The following ST18 variants were observed in gnomAD, a reference collection of about 807,000 sequenced individuals.
ST18 encodes the protein ST18 C2H2C-type zinc finger transcription factor.
A neutral mutation model predicts 110.0 loss-of-function variants in ST18; 50 were observed. The observed-to-expected ratio is 0.45, with a 90% CI of 0.36 to 0.58. The LOEUF is 0.58. Among genes scored for constraint, ST18 ranks in the 20% least tolerant of loss-of-function variants. ST18 has a pLI of 0.00. For missense variants in ST18, 1,306 were observed against 1,280.1 expected (o/e 1.02, Z -0.31); for synonymous variants, 461 against 452.4 (o/e 1.02, Z -0.24).
chr8:52,210,325 G>A (rs190442449), intron 8 of ST18, among the ~76,000 whole-genome samples: 9 of 152,154 alleles, frequency 5.9e-5, no homozygotes, highest in Admixed American at 5.2e-4. Context: ...CCAAATGTAG[G>A]GGTATACTAT....
At chr8:52,193,314 C>T (rs903413943) in intron 8 of ST18, among the ~76,000 whole-genome samples, 15 of 152,208 alleles carry the variant, frequency 9.9e-5, no homozygotes, top group Admixed American at 3.3e-4. Context: ...CACATCTTCC[C>T]TACTGGCTGA....
chr8:52,306,159 C>T (rs2095809506), intron 2 of ST18, among the ~76,000 whole-genome samples: 1 of 152,232 alleles, frequency 6.6e-6, no homozygotes, highest in Non-Finnish European at 1.5e-5. Context: ...CATTCCCTCA[C>T]CTCCTTCAAA....
At chr8:52,386,495 A>G (rs558903654) in intron 2 of ST18, among the ~76,000 whole-genome samples, 1 of 152,052 alleles carries the variant, frequency 6.6e-6, no homozygotes, top group African/African-American at 2.4e-5. Context: ...AATGCAATCA[A>G]TTGAGAAAAA....
intron 2 of ST18, among the ~76,000 whole-genome samples, chr8:52,304,860 G>A (rs897931863): frequency 3.3e-5 from 5 of 152,156 alleles, no homozygotes; most frequent in Non-Finnish European, 7.3e-5. Context: ...AGCTCTCTGG[G>A]TCTCTCTTAC....
At chr8:52,321,649 A>G (rs1803969695) in intron 2 of ST18, among the ~76,000 whole-genome samples, 1 of 152,240 alleles carries the variant, frequency 6.6e-6, no homozygotes, top group Admixed American at 6.5e-5. Context: ...CTAGTATCAC[A>G]GAGTGATGCT....
rs1482709822 is a variant in ST18, at chr8:52,171,937, C to T, written c.924G>A (p.Gln308=). Reference sequence around the variant, plus strand: ...CTCGCTCAGCCTGCAGAGCAATTGCCTGCTCCAGCAAACTTAAATTCCCCT... The same window carrying T: ...CTCGCTCAGCCTGCAGAGCAATTGCTTGCTCCAGCAAACTTAAATTCCCCT... ...KAKGNLSLLE[Q]AIALQAERGC... is the part of the protein sequence containing the mutation. Residue 308 remains glutamine (Q), a synonymous_variant, in exon 10 of 26, where the codon CAG becomes CAA. Coordinates refer to ENST00000689386, the MANE Select transcript of ST18 (RefSeq NM_001352837.2). The T allele has an allele frequency of 1.2e-6, 2 of 1,614,216 alleles. No homozygotes were observed. Among genetic ancestry groups the T allele is most frequent in the Admixed American group, 1.7e-5 (1 of 60,032 alleles).
intron 2 of ST18, among the ~76,000 whole-genome samples, chr8:52,381,970 AAAAC>A (rs147071211): frequency 0.23 from 16,347 of 69,800 alleles, 1,189 homozygotes; most frequent in East Asian, 0.39. Context: ...GCTGCATTAA[AAAAC>A]AAAAAAAAAC....
chr8:52,288,699 A>C (rs1238508561), intron 2 of ST18, among the ~76,000 whole-genome samples: 1 of 150,072 alleles, frequency 6.7e-6, no homozygotes, highest in African/African-American at 2.5e-5. Context: ...GTCTCAAAAA[A>C]TAAAAAAAAA....
At chr8:52,185,865 C>T (rs922624706) in intron 8 of ST18, among the ~76,000 whole-genome samples, 1 of 152,094 alleles carries the variant, frequency 6.6e-6, no homozygotes, top group Non-Finnish European at 1.5e-5. Context: ...TCTTCACGAC[C>T]TTGGGGTAGG....
chr8:52,197,090 C>T (rs2135270450), intron 8 of ST18, among the ~76,000 whole-genome samples: 1 of 152,242 alleles, frequency 6.6e-6, no homozygotes, highest in East Asian at 1.9e-4. Context: ...TAGCAAAGTC[C>T]ATTTCAAAAT....
intron 22 of ST18, among the ~76,000 whole-genome samples, chr8:52,128,334 G>T (rs1033850646): frequency 6.6e-6 from 1 of 152,086 alleles, no homozygotes; most frequent in African/African-American, 2.4e-5. Flanking sequence ...AATGTATCTC[G>T]TGAACATAAT....
chr8:52,256,422 G>A (rs2094531152), intron 2 of ST18, among the ~76,000 whole-genome samples: 1 of 152,150 alleles, frequency 6.6e-6, no homozygotes, highest in Non-Finnish European at 1.5e-5. Context: ...AAATGCAGTG[G>A]CACAATCACA....
intron 2 of ST18, among the ~76,000 whole-genome samples, chr8:52,349,457 G>A (rs1564549325): frequency 6.6e-6 from 1 of 152,150 alleles, no homozygotes; most frequent in Non-Finnish European, 1.5e-5. Context: ...ACTCAAAGAT[G>A]TTGCATAGAG....
chr8:52,298,626 C>T (rs1382468897), intron 2 of ST18, among the ~76,000 whole-genome samples: 1 of 152,080 alleles, frequency 6.6e-6, no homozygotes, highest in Non-Finnish European at 1.5e-5. Context: ...AGAAACTTTC[C>T]TTTGAAGATG....
intron 3 of ST18, among the ~76,000 whole-genome samples, chr8:52,227,013 T>C (rs1302963219): frequency 1.3e-5 from 2 of 152,188 alleles, no homozygotes; most frequent in Non-Finnish European, 2.9e-5. Flanking sequence ...TGAATTAAGA[T>C]AAAATGTAGT....
intron 15 of ST18, among the ~76,000 whole-genome samples, chr8:52,151,450 A>C (rs1417130697): frequency 1.3e-5 from 2 of 152,218 alleles, no homozygotes; most frequent in African/African-American, 4.8e-5. Context: ...ATCTCTCGTG[A>C]TAGTTTTAAG....
intron 7 of ST18, among the ~76,000 whole-genome samples, chr8:52,212,980 T>G (rs1008391109): frequency 6.6e-6 from 1 of 152,216 alleles, no homozygotes; most frequent in African/African-American, 2.4e-5. Context: ...AGGCATAAGC[T>G]TATTCCAAAT....
chr8:52,180,460 T>A, intron 8 of ST18, 148 bp from the exon 9 acceptor site: 1 of 765,462 alleles, frequency 1.3e-6, no homozygotes, highest in Non-Finnish European at 2.1e-6. Flanking sequence ...AAACATCCCA[T>A]CTGTGGACTC....
At chr8:52,324,183 G>A (rs1805235942) in intron 2 of ST18, among the ~76,000 whole-genome samples, 1 of 152,198 alleles carries the variant, frequency 6.6e-6, no homozygotes, top group Non-Finnish European at 1.5e-5. Flanking sequence ...AAGCTCTGGG[G>A]AGAGGTGGCA....
Sources: allele counts gnomAD v4.1 joint callset (sites outside exome capture counted in the v4.1 genomes callset), GRCh38; gene constraint gnomAD v4.1.1; transcripts MANE v1.5; gene names NCBI Gene and HGNC (gene_info 2026-07-23, HGNC 2026-07-21).